UIMC1: variants seen among roughly 807,000 people sequenced by gnomAD.
The protein encoded by UIMC1 is ubiquitin interaction motif containing 1, also known as BRCA1-A complex subunit RAP80.
In UIMC1, 42 loss-of-function variants were observed where a neutral mutation model predicts 84.9. The observed-to-expected ratio is 0.49, with a 90% CI of 0.39 to 0.64. UIMC1 has a LOEUF of 0.64. Ranked by LOEUF, UIMC1 falls within the 30% of genes least tolerant of loss-of-function variation. The probability of loss-of-function intolerance (pLI) is 0.00; values close to 1 mark genes in which losing one functional copy is unlikely to be tolerated. For missense variants in UIMC1, 825 were observed against 847.6 expected, an observed-to-expected ratio of 0.97 and a Z score of 0.33; for synonymous variants, 281 against 293.0, an observed-to-expected ratio of 0.96 and a Z score of 0.42.
intron 7 of UIMC1, 50 bp downstream of exon 7, chr5:176,958,043 T>G: frequency 1.3e-6 from 2 of 1,588,128 alleles, no homozygotes; most frequent in African/African-American, 1.3e-5. Context: ...TCATCTCCCT[T>G]ATGCTGGCAA....
chr5:176,958,210 T>G (rs981737453), intron 6 of UIMC1, 56 bp from the exon 7 acceptor site: 7 of 1,463,886 alleles, frequency 4.8e-6, no homozygotes, highest in East Asian at 2.3e-5. Context: ...CTGGCTTCTC[T>G]TCCTTTTTTA....
chr5:177,011,590 GTAATAATAATAA>G (rs139175347), upstream of UIMC1, among the ~76,000 whole-genome samples: 2 of 150,550 alleles, frequency 1.3e-5, no homozygotes, highest in Non-Finnish European at 3.0e-5. Context: ...CTTTAAAAAA[GTAATAATAATAA>G]TAATAATAAT....
At chr5:176,942,745 T>TA (rs1044619072) in intron 10 of UIMC1, among the ~76,000 whole-genome samples, 4,352 of 75,928 alleles carry the variant, frequency 0.057, 172 homozygotes, top group African/African-American at 0.13. Flanking sequence ...GACTCCGTCT[T>TA]AAAAAAAAAA....
chr5:177,012,891 C>T (rs902288524), intron 1 of UIMC1, among the ~76,000 whole-genome samples: 26 of 151,892 alleles, frequency 1.7e-4, no homozygotes, highest in Non-Finnish European at 4.4e-5. Context: ...GCCTGGGCAA[C>T]ATTGTGAGAC....
At chr5:176,967,372 T>G (rs993952161) in intron 6 of UIMC1, among the ~76,000 whole-genome samples, 1 of 150,996 alleles carries the variant, frequency 6.6e-6, no homozygotes, top group African/African-American at 2.4e-5. Flanking sequence ...AAGTAGAAAA[T>G]AATGTGTAAA....
chr5:176,908,889 G>A (rs1484870089), intron 11 of UIMC1, among the ~76,000 whole-genome samples, 195 bp from the exon 12 acceptor site: 1 of 152,226 alleles, frequency 6.6e-6, no homozygotes, highest in Non-Finnish European at 1.5e-5. Flanking sequence ...TGAGTGATTA[G>A]CAGTTTTCCC....
intron 10 of UIMC1, among the ~76,000 whole-genome samples, chr5:176,936,773 C>A (rs1027113187): frequency 2.6e-5 from 4 of 152,168 alleles, no homozygotes; most frequent in African/African-American, 2.4e-5. Context: ...TTACTCTAGG[C>A]CCCTGTTCAA....
chr5:176,950,126 A>C (rs1199994034), intron 9 of UIMC1, among the ~76,000 whole-genome samples: 1 of 117,342 alleles, frequency 8.5e-6, no homozygotes, highest in African/African-American at 3.6e-5. Context: ...TTTGAGACGG[A>C]GTCTTGCTCT....
upstream of UIMC1, among the ~76,000 whole-genome samples, chr5:177,007,211 G>C (rs1048757084): frequency 3.3e-5 from 5 of 151,664 alleles, no homozygotes; most frequent in Admixed American, 1.3e-4. Context: ...GTGGTGGCGC[G>C]TGCGTGTAAT....
chr5:176,982,700 A>G, intron 1 of UIMC1, 77 bp from the exon 2 acceptor site: 1 of 1,469,692 alleles, frequency 6.8e-7, no homozygotes, highest in Non-Finnish European at 9.1e-7. Flanking sequence ...TCTAGAAGCT[A>G]TTCAACTTAG....
At chr5:176,907,257 G>C in intron 12 of UIMC1, 80 bp from the exon 13 acceptor site, 1 of 1,340,868 alleles carries the variant, frequency 7.5e-7, no homozygotes, top group South Asian at 1.2e-5. Flanking sequence ...GATCACACGT[G>C]TTCATAGAAG....
At chr5:177,006,781 C>G (rs1323840885), upstream of UIMC1, 1 of 152,162 alleles carries the variant, frequency 6.6e-6, no homozygotes, top group East Asian at 1.9e-4. Flanking sequence ...GGGGCGGGCG[C>G]AGGCGCAGCG....
chr5:176,967,830 G>T (rs1269098881), intron 6 of UIMC1, among the ~76,000 whole-genome samples: 1 of 151,440 alleles, frequency 6.6e-6, no homozygotes, highest in Non-Finnish European at 1.5e-5. Context: ...CTTGATCCCA[G>T]AGGTGGAGGC....
Position 176,969,722 on chromosome 5 carries a change from C to T in UIMC1, c.358-16G>A, listed in dbSNP as rs1561849231. ...GCCGGCAACTCTGAAACAAGTGATC[C>T]CATACCAGACCAGGTTTATTATTAA... On this transcript the variant is annotated splice_polypyrimidine_tract_variant and intron_variant, in intron 4 of 14. Coordinates refer to ENST00000511320, the MANE Select transcript of UIMC1 (RefSeq NM_001199298.2). The T allele has an allele frequency of 1.2e-6, 2 of 1,608,188 alleles. No homozygotes were observed.
intron 1 of UIMC1, among the ~76,000 whole-genome samples, chr5:177,014,881 C>T (rs775942077): frequency 2.0e-5 from 3 of 152,032 alleles, no homozygotes; most frequent in South Asian, 2.1e-4. Context: ...TCTTATACCA[C>T]GTGACATTTT....
In UIMC1 at chr5:176,982,591, T is replaced by C. The variant is rs201936585; in HGVS notation, c.25A>G (p.Lys9Glu). Reference sequence around the variant, plus strand: ...AGGTTCCGAGATTCGGAGACTTCTTTAACTTTTTTCTTTCTCCGTGGCATC... The same window carrying C: ...AGGTTCCGAGATTCGGAGACTTCTTCAACTTTTTTCTTTCTCCGTGGCATC... MPRRKKKV[K>E]EVSESRNLEK... The change falls in exon 2 of 15, where the codon AAA (lysine) becomes GAA (glutamate). Residue 9 changes from lysine (K) to glutamate (E), a missense_variant. Coordinates refer to ENST00000511320, the MANE Select transcript of UIMC1 (RefSeq NM_001199298.2). 2.0e-5 allele frequency: 32 copies of C among 1,613,922 alleles called. No individual in the cohort carries two copies. Among genetic ancestry groups the C allele is most frequent in the Non-Finnish European group, 2.6e-5 (31 of 1,179,968 alleles).
chr5:176,983,016 TAG>T (rs1454813587), intron 1 of UIMC1, among the ~76,000 whole-genome samples: 2 of 152,176 alleles, frequency 1.3e-5, no homozygotes. Context: ...TGTATTTTTG[TAG>T]AGACTGGGTT....
intron 10 of UIMC1, among the ~76,000 whole-genome samples, chr5:176,930,510 A>G (rs1391531276): frequency 6.6e-6 from 1 of 152,232 alleles, no homozygotes; most frequent in Non-Finnish European, 1.5e-5. Flanking sequence ...ACCTGTTTCA[A>G]AAGACTGTTA....
In UIMC1 at chr5:176,905,476, T is replaced by C; in HGVS notation, c.1966A>G (p.Met656Val). 2 of 1,613,940 alleles carry C rather than the reference T, an allele frequency of 1.2e-6. No individual in the cohort carries two copies. Among genetic ancestry groups the C allele is most frequent in the Non-Finnish European group, 1.7e-6 (2 of 1,179,960 alleles). The change falls in exon 15 of 15, where the codon ATG (methionine) becomes GTG (valine). Residue 656 changes from methionine (M) to valine (V), a missense_variant. Transcript: ENST00000511320. ...TGAFRVPSPG[M>V]EEAGCSREMQ... ...TCTCTGCTGCAGCCTGCCTCTTCCA[T>C]CCCTGGTGAAGGCACCCTAGAGAGA...
Sources: gnomAD v4.1 joint callset for allele counts (sites outside exome capture counted in the v4.1 genomes callset) on GRCh38, gnomAD v4.1.1 for gene constraint, MANE v1.5 for transcripts, NCBI Gene and HGNC (gene_info 2026-07-23, HGNC 2026-07-21) for gene names.